The following ZPBP variants were observed in gnomAD, a reference collection of about 807,000 sequenced individuals.
The protein encoded by ZPBP is zona pellucida binding protein.
A neutral mutation model predicts 44.8 loss-of-function variants in ZPBP; 26 were observed. The observed-to-expected ratio is 0.58, with a 90% CI of 0.43 to 0.81. The LOEUF (loss-of-function observed/expected upper bound fraction) is 0.81. Among genes scored for constraint, ZPBP ranks in the 30% least tolerant of loss-of-function variants. The pLI is 0.00. For synonymous variants in ZPBP, 174 were observed against 153.2 expected (o/e 1.14, Z -1.00); for missense variants, 409 against 434.0 (o/e 0.94, Z 0.51).
chr7:49,860,228 C>T (rs1293879204), intron 2 of ZPBP, among the ~76,000 whole-genome samples: 1 of 152,166 alleles, frequency 6.6e-6, no homozygotes, highest in Non-Finnish European at 1.5e-5. Context: ...AACTGAAACC[C>T]TCCGCCTGTT....
At chr7:49,844,989 T>C in the ZPBP span, among the ~76,000 whole-genome samples, 3,218 of 152,292 alleles carry the variant, frequency 0.021, 264 homozygotes, top group Admixed American at 0.15. Flanking sequence ...GGCCGGCAAT[T>C]CACTTTCGTC....
At chr7:50,072,956 C>T (rs990346698) in intron 3 of ZPBP, among the ~76,000 whole-genome samples, 5 of 152,068 alleles carry the variant, frequency 3.3e-5, no homozygotes, top group Admixed American at 6.5e-5. Context: ...TACAAATAAG[C>T]GCAGACAGTG....
chr7:49,926,371 AT>A (rs1457584406), intron 1 of ZPBP, among the ~76,000 whole-genome samples: 1 of 152,090 alleles, frequency 6.6e-6, no homozygotes, highest in Non-Finnish European at 1.5e-5. Context: ...GGCATTTCTC[AT>A]TTACTGTGTT....
chr7:49,954,997 A>C (rs1227835207), intron 7 of ZPBP, among the ~76,000 whole-genome samples: 1 of 152,208 alleles, frequency 6.6e-6, no homozygotes, highest in Non-Finnish European at 1.5e-5. Context: ...TCTGAACATA[A>C]GATATTTAAT....
chr7:49,976,547 T>C (rs905040858), intron 7 of ZPBP, among the ~76,000 whole-genome samples: 4 of 152,196 alleles, frequency 2.6e-5, no homozygotes, highest in Non-Finnish European at 5.9e-5. Flanking sequence ...GGAGCTATGC[T>C]GCCTCTTGAA....
At chr7:50,081,709 T>C in intron 3 of ZPBP, 65 bp downstream of exon 3, 1 of 1,566,452 alleles carries the variant, frequency 6.4e-7, no homozygotes. Flanking sequence ...ATACAAACAT[T>C]CTTTTTGTGT....
intron 5 of ZPBP, among the ~76,000 whole-genome samples, chr7:50,029,052 A>T (rs933722678): frequency 6.6e-6 from 1 of 152,172 alleles, no homozygotes; most frequent in African/African-American, 2.4e-5. Flanking sequence ...GGAAGAACAA[A>T]ATTGGAGGCA....
chr7:49,877,891 G>A (rs1434035441), intron 2 of ZPBP, among the ~76,000 whole-genome samples: 2 of 151,978 alleles, frequency 1.3e-5, no homozygotes, highest in Admixed American at 1.3e-4. Flanking sequence ...TCCTGACCTT[G>A]CATCTGGGCA....
At chr7:49,957,435 G>A (rs1222137997) in intron 7 of ZPBP, among the ~76,000 whole-genome samples, 1 of 152,152 alleles carries the variant, frequency 6.6e-6, no homozygotes, top group Non-Finnish European at 1.5e-5. Context: ...TCAGGACATC[G>A]AGGCTTGCTT....
chr7:49,850,287 G>A (rs1435092206), downstream of ZPBP: 1 of 152,248 alleles, frequency 6.6e-6, no homozygotes, highest in Admixed American at 6.5e-5. Context: ...CATCACCTAG[G>A]AATTTGCCCT....
intron 7 of ZPBP, among the ~76,000 whole-genome samples, chr7:49,964,975 C>A (rs527496401): frequency 6.6e-6 from 1 of 152,210 alleles, no homozygotes; most frequent in East Asian, 1.9e-4. Flanking sequence ...TCACACAGGG[C>A]TGAGAATAGT....
intron 6 of ZPBP, among the ~76,000 whole-genome samples, chr7:50,012,562 T>C (rs1236305074): frequency 6.6e-6 from 1 of 151,424 alleles, no homozygotes; most frequent in Non-Finnish European, 1.5e-5. Context: ...ATATAAGTTG[T>C]TTTCAACAAG....
chr7:49,987,689 C>T (rs1797358744), intron 6 of ZPBP, among the ~76,000 whole-genome samples: 1 of 150,758 alleles, frequency 6.6e-6, no homozygotes, highest in African/African-American at 2.4e-5. Flanking sequence ...TAAATAGTTA[C>T]TGGATCTTCT....
At chr7:49,846,081 CT>C (rs1562728158), downstream of ZPBP, among the ~76,000 whole-genome samples, 17 of 152,236 alleles carry the variant, frequency 1.1e-4, 1 homozygote, top group South Asian at 3.5e-3. Context: ...ATAAACATTG[CT>C]TTTTTTGGAT....
the ZPBP span, among the ~76,000 whole-genome samples, chr7:49,841,451 A>C: frequency 6.6e-6 from 1 of 152,232 alleles, no homozygotes; most frequent in Admixed American, 6.5e-5. Context: ...GTAGGGATTC[A>C]GTGTTTTAAG....
rs181447150 is a variant in ZPBP at position 50,071,938 on chromosome 7, C to A, written c.334+9836G>T. On this transcript the variant is annotated intron_variant, in intron 3 of 7. Transcript: ENST00000046087. ...TGCTCACTTCAGGTGAGACTCAGCA[C>A]ATGACCAGCTGTGGTGGCTATGGGG... is the stretch of plus-strand genomic sequence containing the variant. 2.4e-3 allele frequency among the ~76,000 whole-genome samples: 365 copies of A among 152,324 alleles called. 4 individuals are homozygous for A. Among genetic ancestry groups the A allele is most frequent in the South Asian group, 1.2e-3 (6 of 4,826 alleles).
At chr7:49,853,053 C>T (rs755941209) in intron 2 of ZPBP, among the ~76,000 whole-genome samples, 11 of 152,378 alleles carry the variant, frequency 7.2e-5, no homozygotes, top group Non-Finnish European at 1.5e-4. Flanking sequence ...AGGACAGAAG[C>T]GGAGGCCACA....
At chr7:50,059,508 A>T (rs1290372784) in intron 3 of ZPBP, among the ~76,000 whole-genome samples, 1 of 152,230 alleles carries the variant, frequency 6.6e-6, no homozygotes, top group Non-Finnish European at 1.5e-5. Context: ...TTTTAATGAA[A>T]TATTACATAT....
chr7:50,039,220 A>T (rs1799959999), intron 4 of ZPBP, among the ~76,000 whole-genome samples: 1 of 152,202 alleles, frequency 6.6e-6, no homozygotes, highest in Non-Finnish European at 1.5e-5. Flanking sequence ...CAAATAGAGA[A>T]TATAAAGACT....
Sources: allele counts gnomAD v4.1 joint callset (sites outside exome capture counted in the v4.1 genomes callset), GRCh38; gene constraint gnomAD v4.1.1; transcripts MANE v1.5; gene names NCBI Gene and HGNC (gene_info 2026-07-23, HGNC 2026-07-21).